The following HJURP variants were observed in gnomAD, a reference collection of about 807,000 sequenced individuals.
HJURP encodes the protein 14-3-3-associated AKT substrate.
In HJURP, 49 loss-of-function variants were observed where a neutral mutation model predicts 72.0. The observed-to-expected ratio is 0.68, with a 90% CI of 0.54 to 0.86. The LOEUF (loss-of-function observed/expected upper bound fraction) is 0.86, where lower values mean the gene tolerates loss of function less well. Among genes scored for constraint, HJURP ranks in the 40% least tolerant of loss-of-function variants. The probability of loss-of-function intolerance (pLI) is 0.00; values close to 1 mark genes in which losing one functional copy is unlikely to be tolerated. For missense variants in HJURP, 908 were observed against 936.3 expected (o/e 0.97, Z 0.39); for synonymous variants, 357 against 347.1 (o/e 1.03, Z -0.32).
intron 8 of HJURP, among the ~76,000 whole-genome samples, chr2:233,838,075 C>T (rs764415590): frequency 4.6e-5 from 7 of 152,216 alleles, no homozygotes; most frequent in Admixed American, 1.3e-4. Flanking sequence ...CATGGCCTGG[C>T]ACACAGAGAG....
chr2:233,852,762 T>C, intron 2 of HJURP, 142 bp from the exon 3 acceptor site: 1 of 601,372 alleles, frequency 1.7e-6, no homozygotes, highest in South Asian at 2.3e-5. Context: ...TACCCTGCGA[T>C]TGTTCCTCTT....
intron 4 of HJURP, 102 bp downstream of exon 4, chr2:233,849,661 T>A: frequency 1.4e-6 from 1 of 718,746 alleles, no homozygotes; most frequent in Non-Finnish European, 2.3e-6. Context: ...TTAGAAAAAA[T>A]AAAAACTTCA....
At position 233,837,328 on chromosome 2, in the gene HJURP, C is replaced by G. The variant is rs921673209; in HGVS notation, c.*249G>C. 2 of 294,054 alleles carry G rather than the reference C, an allele frequency of 6.8e-6. No individual in the cohort carries two copies. The highest frequency in any genetic ancestry group is 5.9e-5 in the East Asian group (1 of 16,914). 18.2% of individuals were successfully genotyped at this position (294,054 alleles called of 1,614,324 possible). A position where few individuals can be genotyped will look rare whatever the true frequency, so the allele number is the denominator to read the frequency against. On this transcript the variant is annotated 3_prime_UTR_variant, in exon 9 of 9. Transcript: ENST00000411486. Reference sequence around the variant, plus strand: ...AACAAACAAACAAATAACCCCCCCCCAAAAAAAACACACACATCAGAAAAA... The same window carrying G: ...AACAAACAAACAAATAACCCCCCCCGAAAAAAAACACACACATCAGAAAAA...
chr2:233,841,486 T>G lies in HJURP; in HGVS notation c.1294A>C (p.Arg432=). The change falls in exon 8 of 9, where the codon AGG becomes CGG. Residue 432 remains arginine (R), a synonymous_variant. Coordinates refer to ENST00000411486, the MANE Select transcript of HJURP (RefSeq NM_018410.5). ...IRQGHGENRQ[R]EIEIRFDQLH... is the part of the protein sequence containing the mutation. Reference sequence around the variant, plus strand: ...TGATCAAATCGGATTTCAATCTCCCTCTGACGGTTCTCTCCATGGCCCTGT... The same window carrying G: ...TGATCAAATCGGATTTCAATCTCCCGCTGACGGTTCTCTCCATGGCCCTGT... 3.1e-6 allele frequency: 5 copies of G among 1,614,212 alleles called. No homozygotes were observed. Among genetic ancestry groups the G allele is most frequent in the Non-Finnish European group, 4.2e-6 (5 of 1,180,040 alleles).
intron 6 of HJURP, among the ~76,000 whole-genome samples, chr2:233,844,669 G>A (rs892004082): frequency 1.3e-5 from 2 of 152,166 alleles, no homozygotes; most frequent in Non-Finnish European, 2.9e-5. Context: ...CTGTTCCCTG[G>A]ATCAACACAG....
In HJURP at chr2:233,845,794, T is replaced by C; in HGVS notation, c.429A>G (p.Lys143=). 6.2e-7 allele frequency: 1 copy of C among 1,613,566 alleles called. No homozygotes were observed. Among genetic ancestry groups the C allele is most frequent in the Non-Finnish European group, 8.5e-7 (1 of 1,179,492 alleles). Residue 143 remains lysine, a synonymous_variant, in exon 6 of 9, where the codon AAA becomes AAG. Coordinates refer to ENST00000411486, the MANE Select transcript of HJURP (RefSeq NM_018410.5). ...TCAAGTATTTCCTTCTTAATTCATTTTTCAAAGGGCTTTGAGGCACTGCAG... is the reference window on the plus strand; with the variant it reads ...TCAAGTATTTCCTTCTTAATTCATTCTTCAAAGGGCTTTGAGGCACTGCAG... ...LAPAVPQSPL[K]NELRRKYLTQ... is the part of the protein sequence containing the mutation.
chr2:233,848,088 C>G (rs2124972830), intron 4 of HJURP, among the ~76,000 whole-genome samples: 1 of 152,282 alleles, frequency 6.6e-6, no homozygotes, highest in Middle Eastern at 3.4e-3. Flanking sequence ...CAATTCTACT[C>G]TGAAAGACCA....
chr2:233,847,294 A>C (rs1288431280), intron 5 of HJURP, 103 bp downstream of exon 5: 5 of 845,450 alleles, frequency 5.9e-6, no homozygotes, highest in Non-Finnish European at 1.0e-5. Flanking sequence ...GACTTCCAGA[A>C]AAGTGCAGGC....
intron 3 of HJURP, among the ~76,000 whole-genome samples, chr2:233,852,291 C>A (rs1199009701): frequency 1.3e-5 from 2 of 152,196 alleles, no homozygotes. Flanking sequence ...ACTGGCCCAG[C>A]CTCTGCACAT....
chr2:233,843,094 A>G (rs1011940853), intron 7 of HJURP, among the ~76,000 whole-genome samples: 2 of 152,210 alleles, frequency 1.3e-5, no homozygotes, highest in African/African-American at 4.8e-5. Context: ...AAAAAATAAA[A>G]ATAAAATAAA....
At chr2:233,838,260 C>G (rs1705128784) in intron 8 of HJURP, among the ~76,000 whole-genome samples, 1 of 152,188 alleles carries the variant, frequency 6.6e-6, no homozygotes. Context: ...ATTTGACTTG[C>G]TATCAAATTC....
At position 233,841,874 on chromosome 2, in the gene HJURP, C is replaced by T; in HGVS notation, c.906G>A (p.Lys302=). 6.2e-7 allele frequency: 1 copy of T among 1,614,200 alleles called. No homozygotes were observed. Among genetic ancestry groups the T allele is most frequent in the Non-Finnish European group, 8.5e-7 (1 of 1,180,032 alleles). ...NWNSRRRHRY[K]SRMNKTYCKG... is the part of the protein sequence containing the mutation. ...TGCAATATGTTTTGTTCATCCTGCTCTTATATCTGTGCCTCCTCCTGGAGT... is the reference window on the plus strand; with the variant it reads ...TGCAATATGTTTTGTTCATCCTGCTTTTATATCTGTGCCTCCTCCTGGAGT... Residue 302 remains lysine (K), a synonymous_variant, in exon 8 of 9, where the codon AAG becomes AAA. Transcript: ENST00000411486.
chr2:233,849,628 G>T, intron 4 of HJURP, 135 bp downstream of exon 4: 1 of 607,594 alleles, frequency 1.6e-6, no homozygotes, highest in Non-Finnish European at 2.9e-6. Flanking sequence ...ACTTTAACAT[G>T]ATTTTAGTTT....
intron 2 of HJURP, among the ~76,000 whole-genome samples, chr2:233,853,066 G>A (rs1022806178): frequency 2.6e-5 from 4 of 152,194 alleles, no homozygotes; most frequent in Admixed American, 2.6e-4. Flanking sequence ...GAATATTTTA[G>A]TTTCTGCCTG....
chr2:233,847,559 G>T, intron 4 of HJURP, 98 bp from the exon 5 acceptor site: 1 of 1,013,032 alleles, frequency 9.9e-7, no homozygotes, highest in Non-Finnish European at 1.6e-6. Flanking sequence ...AAGTTGTACA[G>T]TAAAAATCCC....
At chr2:233,844,331 C>CTTT in intron 6 of HJURP, 48 bp from the exon 7 acceptor site, 3 of 1,470,070 alleles carry the variant, frequency 2.0e-6, no homozygotes, top group Non-Finnish European at 2.9e-6. Context: ...CAGGTGTCAA[C>CTTT]TGGGTGCAAG....
At chr2:233,849,083 A>G (rs1281923494) in intron 4 of HJURP, among the ~76,000 whole-genome samples, 1 of 152,218 alleles carries the variant, frequency 6.6e-6, no homozygotes, top group Non-Finnish European at 1.5e-5. Flanking sequence ...GGCTTTAGAG[A>G]TGGAGCCGAA....
Position 233,853,885 on chromosome 2 carries a change from G to A in HJURP, c.143C>T (p.Pro48Leu). 6.2e-7 allele frequency: 1 copy of A among 1,614,040 alleles called. No homozygotes were observed. The highest frequency in any genetic ancestry group is 2.2e-5 in the East Asian group (1 of 44,868). Residue 48 changes from proline to leucine, a missense_variant, in exon 2 of 9, where the codon CCG (proline) becomes CTG (leucine). Pro to Leu is a moderately conservative substitution (Grantham distance 98). Around this residue, in one of 3 missense-constraint regions of HJURP, gnomAD observed 299 missense variants for 286.7 expected, o/e 1.04. Coordinates refer to ENST00000411486, the MANE Select transcript of HJURP (RefSeq NM_018410.5). ...EKYNQPFEDT[P>L]VVQMATLTYE... is the part of the protein sequence containing the mutation. The stretch of plus-strand genomic sequence containing the variant: ...GGTCAGCGTGGCCATTTGCACCACC[G>A]GGGTGTCCTCGAAGGGCTGGTTGTA...
chr2:233,848,318 G>A (rs1004638126), intron 4 of HJURP, among the ~76,000 whole-genome samples: 1 of 152,136 alleles, frequency 6.6e-6, no homozygotes, highest in Non-Finnish European at 1.5e-5. Flanking sequence ...GGGATCACAG[G>A]GGCTTCCCGG....
Sources: allele counts gnomAD v4.1 joint callset (sites outside exome capture counted in the v4.1 genomes callset), GRCh38; gene constraint gnomAD v4.1.1; regional missense constraint gnomAD v4.1.1; transcripts MANE v1.5; gene names NCBI Gene and HGNC (gene_info 2026-07-23, HGNC 2026-07-21).